P2RX4: variants seen among roughly 807,000 people sequenced by gnomAD.
P2RX4 encodes the protein P2X purinoceptor 4.
P2RX4 carries 37 observed loss-of-function variants against 48.0 expected under a neutral mutation model. That is an observed-to-expected ratio of 0.77 (90% CI 0.59 to 1.01). The LOEUF is 1.01. Ranked by LOEUF, P2RX4 falls within the 50% of genes least tolerant of loss-of-function variation. The probability of loss-of-function intolerance (pLI) is 0.00; values close to 1 mark genes in which losing one functional copy is unlikely to be tolerated. For synonymous variants in P2RX4, 200 were observed against 199.7 expected, an observed-to-expected ratio of 1.00 and a Z score of -0.01; for missense variants, 501 against 521.4, an observed-to-expected ratio of 0.96 and a Z score of 0.38.
At chr12:121,222,206 C>A in intron 4 of P2RX4, 40 bp downstream of exon 4, 3 of 1,336,378 alleles carry the variant, frequency 2.2e-6, no homozygotes, top group Non-Finnish European at 2.2e-6. Flanking sequence ...GGCCCCTGAG[C>A]AGATCGCCCC....
At position 121,233,730 on chromosome 12, in the gene P2RX4, C is replaced by T. The variant is rs956463559; in HGVS notation, c.*181C>T. The T allele has an allele frequency of 6.3e-6, 9 of 1,430,342 alleles. No individual in the cohort carries two copies. The highest frequency in any genetic ancestry group is 4.6e-5 in the Admixed American group (2 of 43,396). The allele number at this position is 1,430,342 out of a possible 1,614,324, so 88.6% of individuals were successfully genotyped here. A position where few individuals can be genotyped will look rare whatever the true frequency, so the allele number is the denominator to read the frequency against. On this transcript the variant is annotated 3_prime_UTR_variant, in exon 12 of 12. Coordinates refer to ENST00000337233, the MANE Select transcript of P2RX4 (RefSeq NM_002560.3). The stretch of plus-strand genomic sequence containing the variant: ...TGTGTGCAGGATCTGTTTGCCCACT[C>T]GGCCCAGGAGGTCAGCAGTCTGTTC...
At chr12:121,219,310 C>T (rs74348885) in intron 2 of P2RX4, among the ~76,000 whole-genome samples, 26 of 152,210 alleles carry the variant, frequency 1.7e-4, no homozygotes, top group South Asian at 1.2e-3. Flanking sequence ...CTTGTCAGAC[C>T]GTGGGGTTGG....
At chr12:121,220,575 G>T (rs1481206235) in intron 2 of P2RX4, among the ~76,000 whole-genome samples, 1 of 152,116 alleles carries the variant, frequency 6.6e-6, no homozygotes, top group African/African-American at 2.4e-5. Context: ...GGCGGAGATT[G>T]CAGTAAGCCA....
chr12:121,225,005 A>G (rs766270334), intron 5 of P2RX4, among the ~76,000 whole-genome samples: 2 of 152,124 alleles, frequency 1.3e-5, no homozygotes, highest in Non-Finnish European at 2.9e-5. Flanking sequence ...GCTATTGAAA[A>G]TTGAAATATG....
chr12:121,213,319 T>G (rs1457732602), intron 1 of P2RX4: 1 of 152,004 alleles, frequency 6.6e-6, no homozygotes, highest in Non-Finnish European at 1.5e-5. Context: ...GCCTACCTAT[T>G]TGGGAGGTTG....
At chr12:121,228,339 C>T (rs1481299332) in intron 5 of P2RX4, among the ~76,000 whole-genome samples, 194 bp from the exon 6 acceptor site, 1 of 141,228 alleles carries the variant, frequency 7.1e-6, no homozygotes, top group Admixed American at 7.5e-5. Flanking sequence ...CTCAAGCCTG[C>T]ACTCGAGGTG....
At chr12:121,219,615 G>GGATGGATGGATGGATGGATA (rs1341119480) in intron 2 of P2RX4, among the ~76,000 whole-genome samples, 6 of 140,532 alleles carry the variant, frequency 4.3e-5, no homozygotes, top group South Asian at 2.3e-4. Flanking sequence ...ATGGATGGAT[G>GGATGGATGGATGGATGGATA]GATAGATAGA....
At position 121,228,710 on chromosome 12, in the gene P2RX4, T is replaced by C; in HGVS notation, c.606-15T>C. ...GTTTTCGTCGCTCTGATTTTCTGCT[T>C]CCTCTCGACTTTAGGAGGAATATCC... is the stretch of plus-strand genomic sequence containing the variant. On this transcript the variant is annotated splice_polypyrimidine_tract_variant and intron_variant, in intron 6 of 11. Coordinates refer to ENST00000337233, the MANE Select transcript of P2RX4 (RefSeq NM_002560.3). 6.2e-7 allele frequency: 1 copy of C among 1,613,976 alleles called. No homozygotes were observed. Among genetic ancestry groups the C allele is most frequent in the Non-Finnish European group, 8.5e-7 (1 of 1,179,966 alleles).
chr12:121,228,904 A>AGG, intron 7 of P2RX4, 38 bp downstream of exon 7: 1 of 1,613,934 alleles, frequency 6.2e-7, no homozygotes, highest in African/African-American at 1.3e-5. Context: ...CCAGCCCTGG[A>AGG]GGCGTCTCGT....
In P2RX4 at chr12:121,228,589, G is replaced by C; in HGVS notation, c.581G>C (p.Trp194Ser). 1 of 1,613,540 alleles carries C rather than the reference G, an allele frequency of 6.2e-7. No individual in the cohort carries two copies. Among genetic ancestry groups the C allele is most frequent in the South Asian group, 1.1e-5 (1 of 90,994 alleles). ...NFTLLVKNNIWYPKFNFSKRN... is the reference protein window; with the variant it reads ...NFTLLVKNNISYPKFNFSKRN... The stretch of plus-strand genomic sequence containing the variant: ...ACTCTTTTGGTTAAGAACAACATCT[G>C]GTATCCCAAATTTAATTTCAGCAAG... Residue 194 changes from tryptophan to serine, a missense_variant, in exon 6 of 12, where the codon TGG becomes TCG. By Grantham distance (177) the Trp-to-Ser change is radical (BLOSUM62 -3). Around this residue, in one of 3 missense-constraint regions of P2RX4, gnomAD observed 295 missense variants for 275.3 expected, o/e 1.07. Transcript: ENST00000337233.
rs1280243225 is a variant in P2RX4 at position 121,219,611 on chromosome 12, GGATGGATAGATA to G, written c.283-2298_283-2287del. On this transcript the variant is annotated intron_variant, in intron 2 of 11. Coordinates refer to ENST00000337233, the MANE Select transcript of P2RX4 (RefSeq NM_002560.3). ...TGGATGGATGGATGGATGGATGGAT[GGATGGATAGATA>G]GATAGATAGATAGATAGATAGATAG... Among the ~76,000 whole-genome samples, 997 of 122,864 alleles carry G rather than the reference GGATGGATAGATA, an allele frequency of 8.1e-3. 11 individuals carry two copies. The highest frequency in any genetic ancestry group is 0.029 in the African/African-American group (953 of 33,088). 80.6% of individuals were successfully genotyped at this position (122,864 alleles called of 152,430 possible).
intron 2 of P2RX4, among the ~76,000 whole-genome samples, chr12:121,219,615 G>A (rs7134811): frequency 5.6e-4 from 79 of 140,624 alleles, no homozygotes; most frequent in African/African-American, 1.7e-3. Flanking sequence ...ATGGATGGAT[G>A]GATAGATAGA....
chr12:121,216,807 C>T (rs908875782), intron 1 of P2RX4: 10 of 601,246 alleles, frequency 1.7e-5, no homozygotes, highest in East Asian at 2.9e-5. Flanking sequence ...GCAACAAGAG[C>T]GAAACATCGT....
intron 5 of P2RX4, 87 bp from the exon 6 acceptor site, chr12:121,228,440 CATATAT>C: frequency 1.8e-6 from 1 of 559,600 alleles, no homozygotes; most frequent in Non-Finnish European, 3.1e-6. Context: ...ACACACAATA[CATATAT>C]ATATGTGTGT....
intron 1 of P2RX4, 59 bp downstream of exon 1, chr12:121,210,357 G>T: frequency 7.1e-7 from 1 of 1,399,398 alleles, no homozygotes; most frequent in Non-Finnish European, 9.3e-7. Context: ...CGCGCCGTGC[G>T]GCGGCTCATC....
chr12:121,228,904 A>G, intron 7 of P2RX4, 38 bp downstream of exon 7: 1 of 1,613,934 alleles, frequency 6.2e-7, no homozygotes, highest in South Asian at 1.1e-5. Flanking sequence ...CCAGCCCTGG[A>G]GGCGTCTCGT....
chr12:121,215,418 C>T (rs930012246), intron 1 of P2RX4: 9 of 152,854 alleles, frequency 5.9e-5, no homozygotes, highest in Non-Finnish European at 8.7e-5. Context: ...TGTCCTAACC[C>T]CTATAAGCTA....
At chr12:121,225,382 T>C (rs1387851201) in intron 5 of P2RX4, among the ~76,000 whole-genome samples, 3 of 150,884 alleles carry the variant, frequency 2.0e-5, no homozygotes, top group Non-Finnish European at 4.4e-5. Context: ...CCCGATTCTG[T>C]TTATTATTTA....
intron 1 of P2RX4, among the ~76,000 whole-genome samples, chr12:121,212,249 C>CT (rs1885912452): frequency 6.6e-6 from 1 of 152,100 alleles, no homozygotes; most frequent in South Asian, 2.1e-4. Flanking sequence ...AAGAGGATGG[C>CT]TTTCCAGGTG....
Sources: gnomAD v4.1 joint callset for allele counts (sites outside exome capture counted in the v4.1 genomes callset) on GRCh38, gnomAD v4.1.1 for gene constraint, gnomAD v4.1.1 regional missense constraint, MANE v1.5 for transcripts, NCBI Gene and HGNC (gene_info 2026-07-23, HGNC 2026-07-21) for gene names.